DSTYK: variants seen among roughly 807,000 people sequenced by gnomAD.
DSTYK encodes dual serine/threonine and tyrosine protein kinase.
DSTYK carries 34 observed loss-of-function variants against 98.7 expected under a neutral mutation model. The observed-to-expected ratio is 0.34, with a 90% confidence interval of 0.26 to 0.46. DSTYK has a LOEUF of 0.46. Among genes scored for constraint, DSTYK ranks in the 20% least tolerant of loss-of-function variants. The probability of loss-of-function intolerance (pLI) is 1.00; values close to 1 mark genes in which losing one functional copy is unlikely to be tolerated. For synonymous variants in DSTYK, 462 were observed against 457.3 expected, an observed-to-expected ratio of 1.01 and a Z score of -0.13; for missense variants, 962 against 1,181.7, an observed-to-expected ratio of 0.81 and a Z score of 2.73.
In DSTYK at chr1:205,188,461, C is replaced by A. The variant is rs367925863; in HGVS notation, c.266-655G>T. Among the ~76,000 whole-genome samples, 4 of 152,154 alleles carry A rather than the reference C, an allele frequency of 2.6e-5. No individual in the cohort carries two copies. In the East Asian group the frequency reaches 5.8e-4, roughly 22 times the overall value. On this transcript the variant is annotated intron_variant, in intron 1 of 12. Coordinates refer to ENST00000367162, the MANE Select transcript of DSTYK (RefSeq NM_015375.3). ...GGCTACAAACTTGTACAGCATGTTA[C>A]TGTACTGAATACTATAGACAGCTGT...
chr1:205,199,789 G>C (rs1658972521), intron 1 of DSTYK, among the ~76,000 whole-genome samples: 1 of 152,156 alleles, frequency 6.6e-6, no homozygotes, highest in Non-Finnish European at 1.5e-5. Flanking sequence ...TTTCCTGTAA[G>C]AAGGAGCAAA....
chr1:205,163,802 C>A lies in DSTYK; in HGVS notation c.1478G>T (p.Gly493Val). The A allele has an allele frequency of 1.2e-6, 2 of 1,614,116 alleles. No homozygotes were observed. Among genetic ancestry groups the A allele is most frequent in the Non-Finnish European group, 1.7e-6 (2 of 1,180,024 alleles). ...GCTCTGCAGACATCGTTCCAGGGTTCCGACGAAGCTTTCCCTCAGGTAATC... is the reference window on the plus strand; with the variant it reads ...GCTCTGCAGACATCGTTCCAGGGTTACGACGAAGCTTTCCCTCAGGTAATC... ...SVDYLRESFV[G>V]TLERCLQSLE... Residue 493 changes from glycine to valine, a missense_variant, in exon 4 of 13, where the codon GGA becomes GTA. This residue lies in a region of DSTYK where 660 missense variants were observed against 855.0 expected (regional missense o/e 0.77). Coordinates refer to ENST00000367162, the MANE Select transcript of DSTYK (RefSeq NM_015375.3).
rs1270371744 is a variant in DSTYK, at chr1:205,147,045, A to T, written c.*513T>A. On this transcript the variant is annotated 3_prime_UTR_variant, in exon 13 of 13. Coordinates refer to ENST00000367162, the MANE Select transcript of DSTYK (RefSeq NM_015375.3). ...ACTTCTGACCATTGCAACCTGAGAT[A>T]CCTGGCTGCAGACAGCAGGAACCAG... 6.5e-6 allele frequency: 1 copy of T among 152,962 alleles called. No homozygotes were observed. Among genetic ancestry groups the T allele is most frequent in the East Asian group, 1.9e-4 (1 of 5,194 alleles). The allele number at this position is 152,962 out of a possible 1,614,324, so 9.5% of individuals were successfully genotyped here.
chr1:205,171,623 A>AG (rs1658067701), intron 2 of DSTYK, among the ~76,000 whole-genome samples: 1 of 152,112 alleles, frequency 6.6e-6, no homozygotes, highest in African/African-American at 2.4e-5. Context: ...TCCATTGCAC[A>AG]GGTTGTTCCT....
At chr1:205,211,179 A>C (rs1008933402) in intron 1 of DSTYK, 92 bp downstream of exon 1, 1 of 1,470,610 alleles carries the variant, frequency 6.8e-7, no homozygotes, top group African/African-American at 1.5e-5. Flanking sequence ...CGCCTGCCCG[A>C]GAAGACTCGG....
chr1:205,203,183 C>A (rs1659091899), intron 1 of DSTYK, among the ~76,000 whole-genome samples: 1 of 151,802 alleles, frequency 6.6e-6, no homozygotes, highest in Non-Finnish European at 1.5e-5. Flanking sequence ...ATAATATTTT[C>A]TCTTTTAAAA....
intron 1 of DSTYK, among the ~76,000 whole-genome samples, chr1:205,210,484 C>T (rs1434479510): frequency 6.6e-6 from 1 of 152,154 alleles, no homozygotes; most frequent in Non-Finnish European, 1.5e-5. Flanking sequence ...TCCAGTTCCC[C>T]ACCAACAGCA....
chr1:205,207,196 A>G (rs1659228355), intron 1 of DSTYK, among the ~76,000 whole-genome samples: 1 of 150,538 alleles, frequency 6.6e-6, no homozygotes, highest in South Asian at 2.1e-4. Context: ...CTCCTGCCTC[A>G]GCCTCCCGAG....
intron 6 of DSTYK, among the ~76,000 whole-genome samples, chr1:205,161,792 G>A (rs550969481): frequency 2.6e-5 from 4 of 152,122 alleles, no homozygotes; most frequent in Admixed American, 1.3e-4. Context: ...CCATTCTCCC[G>A]AGAGTTAGGA....
chr1:205,187,014 C>A (rs1408138147), intron 2 of DSTYK, among the ~76,000 whole-genome samples: 1 of 152,208 alleles, frequency 6.6e-6, no homozygotes, highest in East Asian at 1.9e-4. Flanking sequence ...CAATACTCAT[C>A]CATCATCTAT....
At chr1:205,178,449 A>G (rs965260021) in intron 2 of DSTYK, among the ~76,000 whole-genome samples, 4 of 152,126 alleles carry the variant, frequency 2.6e-5, no homozygotes, top group African/African-American at 9.7e-5. Context: ...GAGAGACAAA[A>G]TATTTTCTCT....
intron 10 of DSTYK, among the ~76,000 whole-genome samples, chr1:205,155,817 C>T (rs1379650594): frequency 6.6e-6 from 1 of 152,204 alleles, no homozygotes; most frequent in African/African-American, 2.4e-5. Context: ...GAGACCTTAA[C>T]AGCAGCCCCT....
At chr1:205,148,904 T>G (rs775531809) in intron 11 of DSTYK, among the ~76,000 whole-genome samples, 91 of 128,474 alleles carry the variant, frequency 7.1e-4, no homozygotes, top group Non-Finnish European at 1.2e-3. Flanking sequence ...TTAGAAAGTG[T>G]TTTTTTTTTT....
chr1:205,152,670 T>C (rs1421053307), intron 10 of DSTYK, among the ~76,000 whole-genome samples: 3 of 152,180 alleles, frequency 2.0e-5, no homozygotes, highest in Non-Finnish European at 4.4e-5. Context: ...ATTTTTTTTT[T>C]TTCAGATTTT....
chr1:205,204,455 T>C (rs983004723), intron 1 of DSTYK, among the ~76,000 whole-genome samples: 4 of 148,674 alleles, frequency 2.7e-5, no homozygotes, highest in Admixed American at 1.3e-4. Context: ...ATGCTCACCA[T>C]ACACACACAC....
At chr1:205,181,830 C>T (rs947943547) in intron 2 of DSTYK, among the ~76,000 whole-genome samples, 9 of 151,958 alleles carry the variant, frequency 5.9e-5, no homozygotes, top group Middle Eastern at 3.4e-3. Context: ...CACAGGTGTA[C>T]ACCTCCACAC....
chr1:205,169,128 C>A lies in DSTYK; in HGVS notation c.1324+35G>T, dbSNP rs368565285. 8 of 1,525,070 alleles carry A rather than the reference C, an allele frequency of 5.2e-6. No homozygotes were observed. Among genetic ancestry groups the A allele is most frequent in the Non-Finnish European group, 7.1e-6 (8 of 1,130,722 alleles). 94.5% of individuals were successfully genotyped at this position (1,525,070 alleles called of 1,614,324 possible). The stretch of plus-strand genomic sequence containing the variant: ...CTAGAAAATGGTTAGAGACTCCTCC[C>A]GTGCCAGCACCCCAACAAGCTCTCT... On this transcript the variant is annotated intron_variant, in intron 3 of 12. Transcript: ENST00000367162. The surrounding 1 kb of genome is among the most constrained non-coding windows in gnomAD (Gnocchi z 4.0).
chr1:205,209,624 G>A (rs1400667417), intron 1 of DSTYK, among the ~76,000 whole-genome samples: 15 of 72,560 alleles, frequency 2.1e-4, no homozygotes, highest in Middle Eastern at 9.8e-3. Flanking sequence ...CATAAAAGGA[G>A]GGGGATGACT....
intron 2 of DSTYK, among the ~76,000 whole-genome samples, chr1:205,185,882 G>A (rs569773562): frequency 3.2e-4 from 48 of 152,224 alleles, no homozygotes; most frequent in Admixed American, 6.5e-4. Flanking sequence ...AATTAGCCAG[G>A]TGTGGTGGCG....
Sources: gnomAD v4.1 joint callset for allele counts (sites outside exome capture counted in the v4.1 genomes callset) on GRCh38, gnomAD v4.1.1 for gene constraint, gnomAD v4.1.1 regional missense constraint, Gnocchi (gnomAD v3.1) non-coding constraint, MANE v1.5 for transcripts, NCBI Gene and HGNC (gene_info 2026-07-23, HGNC 2026-07-21) for gene names.